NELL2: variants seen among roughly 807,000 people sequenced by gnomAD.
NELL2 encodes the protein neural EGFL like 2.
Under a neutral mutation model 109.6 loss-of-function variants are expected in NELL2, and 41 were observed. The ratio of observed to expected loss-of-function variants is 0.37; its 90% confidence interval spans 0.29 to 0.49. The LOEUF is 0.49. Among genes scored for constraint, NELL2 ranks in the 20% least tolerant of loss-of-function variants. The probability of loss-of-function intolerance (pLI) is 0.98; values close to 1 mark genes in which losing one functional copy is unlikely to be tolerated. For synonymous variants in NELL2, 355 were observed against 344.7 expected, an observed-to-expected ratio of 1.03 and a Z score of -0.33; for missense variants, 900 against 1,008.3, an observed-to-expected ratio of 0.89 and a Z score of 1.45.
At chr12:44,700,884 T>C (rs1043794791) in intron 12 of NELL2, among the ~76,000 whole-genome samples, 1 of 152,166 alleles carries the variant, frequency 6.6e-6, no homozygotes, top group Non-Finnish European at 1.5e-5. Flanking sequence ...AATGAGTGAA[T>C]GAACTCCAGT....
rs754118280 is a variant in NELL2, at chr12:44,598,854, T to TACACACACACACACACACAC, written c.1663+8295_1663+8314dup. 2.1e-3 allele frequency among the ~76,000 whole-genome samples: 244 copies of TACACACACACACACACACAC among 118,422 alleles called. 1 individual carries two copies. Among genetic ancestry groups the TACACACACACACACACACAC allele is most frequent in the East Asian group, 6.5e-3 (23 of 3,542 alleles). The allele number at this position is 118,422 out of a possible 152,430, so 77.7% of individuals were successfully genotyped here. ...CCTCAGTTTAAGAGTAAGAAAGAAA[T>TACACACACACACACACACAC]ACACACACACACACACACACACACA... On this transcript the variant is annotated intron_variant, in intron 15 of 19. Coordinates refer to ENST00000429094, the MANE Select transcript of NELL2 (RefSeq NM_001145108.2).
intron 2 of NELL2, among the ~76,000 whole-genome samples, chr12:44,817,589 A>G (rs1943394125): frequency 6.6e-6 from 1 of 152,178 alleles, no homozygotes. Flanking sequence ...AAGAGGGAAA[A>G]GCATACCAGA....
chr12:44,885,264 G>A (rs1463833693), intron 1 of NELL2, among the ~76,000 whole-genome samples: 1 of 151,598 alleles, frequency 6.6e-6, no homozygotes, highest in African/African-American at 2.4e-5. Flanking sequence ...GGGAGATAAA[G>A]CAAGATTATG....
At chr12:44,629,489 A>C (rs117727809) in intron 13 of NELL2, among the ~76,000 whole-genome samples, 1 of 152,118 alleles carries the variant, frequency 6.6e-6, no homozygotes, top group Non-Finnish European at 1.5e-5. Context: ...AGCATTACAG[A>C]GATGTCACAG....
At chr12:44,829,233 G>A (rs752788659) in intron 2 of NELL2, among the ~76,000 whole-genome samples, 16 of 152,104 alleles carry the variant, frequency 1.1e-4, no homozygotes, top group Non-Finnish European at 1.6e-4. Context: ...TGTTGATGAA[G>A]ATGAAGATGA....
At chr12:44,815,743 C>T (rs1446194779) in intron 3 of NELL2, among the ~76,000 whole-genome samples, 2 of 151,420 alleles carry the variant, frequency 1.3e-5, no homozygotes, top group East Asian at 2.0e-4. Context: ...CTCAGCCACT[C>T]GAGTAGCTGG....
chr12:44,674,320 A>T (rs1227439389), intron 12 of NELL2, among the ~76,000 whole-genome samples: 1 of 152,136 alleles, frequency 6.6e-6, no homozygotes, highest in Non-Finnish European at 1.5e-5. Context: ...AGTGCCAAAA[A>T]ACCCACACAC....
chr12:44,714,590 A>G (rs1938384513), intron 10 of NELL2, 60 bp downstream of exon 10: 1 of 1,036,560 alleles, frequency 9.6e-7, no homozygotes, highest in Non-Finnish European at 1.4e-6. Context: ...CTAGTAAAGA[A>G]ACTTTTATCT....
intron 1 of NELL2, among the ~76,000 whole-genome samples, chr12:44,882,504 A>G (rs1055750137): frequency 4.6e-5 from 7 of 151,168 alleles, no homozygotes; most frequent in East Asian, 3.9e-4. Flanking sequence ...ATACACACAC[A>G]CGCACACACA....
chr12:44,829,422 C>G (rs1357259840), intron 2 of NELL2, among the ~76,000 whole-genome samples: 1 of 152,092 alleles, frequency 6.6e-6, no homozygotes, highest in African/African-American at 2.4e-5. Context: ...AAATTGAACC[C>G]AAACTGAATG....
chr12:44,686,220 G>A (rs371362173), intron 12 of NELL2, among the ~76,000 whole-genome samples: 29 of 152,126 alleles, frequency 1.9e-4, no homozygotes, highest in African/African-American at 4.1e-4. Flanking sequence ...CTCCTGAGGC[G>A]TCTGCATTCT....
At chr12:44,576,213 T>A (rs1163337408) in intron 15 of NELL2, among the ~76,000 whole-genome samples, 1 of 152,144 alleles carries the variant, frequency 6.6e-6, no homozygotes, top group African/African-American at 2.4e-5. Context: ...CCCATCCCAC[T>A]CCCCACGCAC....
At chr12:44,818,519 T>A (rs1943429012) in intron 2 of NELL2, among the ~76,000 whole-genome samples, 1 of 152,032 alleles carries the variant, frequency 6.6e-6, no homozygotes, top group Non-Finnish European at 1.5e-5. Context: ...GAGATAGAGC[T>A]CTTACAGCAA....
At chr12:44,745,615 A>G (rs1209324319) in intron 9 of NELL2, among the ~76,000 whole-genome samples, 1 of 152,180 alleles carries the variant, frequency 6.6e-6, no homozygotes, top group African/African-American at 2.4e-5. Flanking sequence ...TCAGGATACA[A>G]AATCAATGTA....
At chr12:44,722,904 C>T (rs1938857642) in intron 9 of NELL2, among the ~76,000 whole-genome samples, 1 of 151,918 alleles carries the variant, frequency 6.6e-6, no homozygotes, top group African/African-American at 2.4e-5. Flanking sequence ...AAATTCAATG[C>T]CTGGCCAGGC....
At chr12:44,758,381 T>TTACTCTGC (rs1361067081) in intron 9 of NELL2, among the ~76,000 whole-genome samples, 1 of 152,214 alleles carries the variant, frequency 6.6e-6, no homozygotes, top group East Asian at 1.9e-4. Flanking sequence ...TAACTCCTAG[T>TTACTCTGC]TACTCTGCTT....
At chr12:44,690,271 T>C (rs2136393440) in intron 12 of NELL2, among the ~76,000 whole-genome samples, 1 of 152,270 alleles carries the variant, frequency 6.6e-6, no homozygotes, top group East Asian at 1.9e-4. Flanking sequence ...ACGTAAACAC[T>C]AAAATTCCTC....
chr12:44,833,301 A>G (rs1943942722), intron 2 of NELL2, among the ~76,000 whole-genome samples: 1 of 152,226 alleles, frequency 6.6e-6, no homozygotes. Flanking sequence ...TTATACTGCA[A>G]TAAAAATTTG....
intron 9 of NELL2, among the ~76,000 whole-genome samples, chr12:44,728,103 A>C (rs1939176560): frequency 6.6e-6 from 1 of 152,040 alleles, no homozygotes; most frequent in Non-Finnish European, 1.5e-5. Context: ...TAAAAAAAAT[A>C]AAAAATAAAC....
Sources: allele counts gnomAD v4.1 joint callset (sites outside exome capture counted in the v4.1 genomes callset), GRCh38; gene constraint gnomAD v4.1.1; transcripts MANE v1.5; gene names NCBI Gene and HGNC (gene_info 2026-07-23, HGNC 2026-07-21).